The following LRRC7 variants were observed in gnomAD, a reference collection of about 807,000 sequenced individuals.
LRRC7 encodes leucine rich repeat containing 7.
LRRC7 carries 23 observed loss-of-function variants against 175.7 expected under a neutral mutation model. The ratio of observed to expected loss-of-function variants is 0.13; its 90% confidence interval spans 0.09 to 0.19. The LOEUF (loss-of-function observed/expected upper bound fraction) is 0.19, where lower values mean the gene tolerates loss of function less well. Among genes scored for constraint, LRRC7 ranks in the 10% least tolerant of loss-of-function variants. The pLI is 1.00. For missense variants in LRRC7, 1,354 were observed against 1,904.7 expected, an observed-to-expected ratio of 0.71 and a Z score of 5.38; for synonymous variants, 685 against 680.9, an observed-to-expected ratio of 1.01 and a Z score of -0.09.
chr1:69,819,536 G>C (rs548809890), intron 4 of LRRC7, among the ~76,000 whole-genome samples: 1 of 147,972 alleles, frequency 6.8e-6, no homozygotes, highest in Non-Finnish European at 1.5e-5. Flanking sequence ...TGTGTATTCT[G>C]CTGCTGTTGA....
intron 1 of LRRC7, among the ~76,000 whole-genome samples, chr1:69,627,160 T>C (rs1388191689): frequency 6.6e-6 from 1 of 152,152 alleles, no homozygotes; most frequent in African/African-American, 2.4e-5. Context: ...CTGACTTCCA[T>C]AATGGTTGAA....
At chr1:69,870,399 T>C (rs1011245653) in intron 7 of LRRC7, among the ~76,000 whole-genome samples, 11 of 151,990 alleles carry the variant, frequency 7.2e-5, no homozygotes, top group African/African-American at 2.2e-4. Context: ...TAGAAGAGGT[T>C]GATTGAGCCT....
chr1:69,637,097 T>TCTCTC (rs1653496690), intron 1 of LRRC7, among the ~76,000 whole-genome samples: 1 of 149,240 alleles, frequency 6.7e-6, no homozygotes, highest in Non-Finnish European at 1.5e-5. Context: ...TCTCTCTCTC[T>TCTCTC]TCCCCTCCCC....
At chr1:69,706,801 G>A (rs367835927) in intron 2 of LRRC7, among the ~76,000 whole-genome samples, 3 of 152,032 alleles carry the variant, frequency 2.0e-5, no homozygotes, top group African/African-American at 4.8e-5. Flanking sequence ...CACCAGTATG[G>A]CCACAGCTTC....
At chr1:69,698,954 G>A (rs560979569) in intron 2 of LRRC7, among the ~76,000 whole-genome samples, 1 of 152,198 alleles carries the variant, frequency 6.6e-6, no homozygotes, top group South Asian at 2.1e-4. Flanking sequence ...ATAAAGTATA[G>A]TCAAACTTAC....
chr1:69,669,142 T>C (rs1002135201), intron 1 of LRRC7, among the ~76,000 whole-genome samples: 8 of 152,240 alleles, frequency 5.3e-5, no homozygotes, highest in African/African-American at 1.9e-4. Context: ...ACTCTGTGTT[T>C]TTCTGTGTCC....
chr1:69,922,696 T>C (rs1353436419), intron 7 of LRRC7, among the ~76,000 whole-genome samples: 1 of 152,138 alleles, frequency 6.6e-6, no homozygotes, highest in East Asian at 1.9e-4. Context: ...TTACCACTAA[T>C]CTCCATGTTG....
chr1:70,123,085 T>C lies in LRRC7; in HGVS notation c.*1198T>C, dbSNP rs1423458570. The C allele has an allele frequency of 6.6e-6, 1 of 152,556 alleles. No homozygotes were observed. Among genetic ancestry groups the C allele is most frequent in the Non-Finnish European group, 1.5e-5 (1 of 67,958 alleles). 9.5% of individuals were successfully genotyped at this position (152,556 alleles called of 1,614,324 possible). A position where few individuals can be genotyped will look rare whatever the true frequency, so the allele number is the denominator to read the frequency against. On this transcript the variant is annotated 3_prime_UTR_variant, in exon 27 of 27. Transcript: ENST00000651989. ...AGGTATGTAAAATCCTGAATGCTTT[T>C]TCACTGAAGAGAAAGACAAGCATGG...
intron 1 of LRRC7, among the ~76,000 whole-genome samples, chr1:69,643,316 T>A (rs1235229235): frequency 1.3e-5 from 2 of 152,112 alleles, no homozygotes; most frequent in Non-Finnish European, 2.9e-5. Context: ...TTACCAGCTA[T>A]CTGGGCATCC....
rs186813897 is a variant in LRRC7, at chr1:69,829,461, C to T, written c.500+3635C>T. On this transcript the variant is annotated intron_variant, in intron 5 of 26. Coordinates refer to ENST00000651989, the MANE Select transcript of LRRC7 (RefSeq NM_001370785.2). Reference sequence around the variant, plus strand: ...ACTTTAAATATTTATCTTTTCTTTACACTAGGGACATTCTAATTCTCTTCT... The same window carrying T: ...ACTTTAAATATTTATCTTTTCTTTATACTAGGGACATTCTAATTCTCTTCT... Among the ~76,000 whole-genome samples, 267 of 151,886 alleles carry T rather than the reference C, an allele frequency of 1.8e-3. 1 individual carries two copies. The highest frequency in any genetic ancestry group is 6.5e-3 in the Admixed American group (99 of 15,242).
At chr1:69,641,258 T>C (rs1017349059) in intron 1 of LRRC7, among the ~76,000 whole-genome samples, 1 of 151,670 alleles carries the variant, frequency 6.6e-6, no homozygotes, top group African/African-American at 2.4e-5. Context: ...TATTTATTCA[T>C]TCTCCATCAG....
chr1:69,635,676 T>C (rs2100401796), intron 1 of LRRC7, among the ~76,000 whole-genome samples: 1 of 152,170 alleles, frequency 6.6e-6, no homozygotes, highest in Non-Finnish European at 1.5e-5. Context: ...ATTTTAAAAA[T>C]AATAACAATT....
chr1:69,665,384 T>C (rs1230447788), intron 1 of LRRC7, among the ~76,000 whole-genome samples: 1 of 152,146 alleles, frequency 6.6e-6, no homozygotes, highest in Non-Finnish European at 1.5e-5. Flanking sequence ...AATTTGTAGA[T>C]TGCTTTGAGT....
chr1:69,927,770 G>A (rs575544031), intron 7 of LRRC7, among the ~76,000 whole-genome samples: 10 of 152,108 alleles, frequency 6.6e-5, no homozygotes, highest in South Asian at 4.2e-4. Flanking sequence ...CCTGTCGTTC[G>A]GAGTAGTTTG....
At chr1:69,656,914 T>C (rs1035164171) in intron 1 of LRRC7, among the ~76,000 whole-genome samples, 4 of 151,106 alleles carry the variant, frequency 2.6e-5, no homozygotes, top group African/African-American at 9.7e-5. Flanking sequence ...AAGAAATAAC[T>C]ACCATAATCC....
intron 7 of LRRC7, among the ~76,000 whole-genome samples, chr1:69,878,453 A>G (rs1453632840): frequency 1.3e-5 from 2 of 152,192 alleles, no homozygotes; most frequent in African/African-American, 2.4e-5. Context: ...TTTTTAGAGA[A>G]TGCACGACTG....
At chr1:69,890,720 C>A (rs532722118) in intron 7 of LRRC7, among the ~76,000 whole-genome samples, 57 of 152,318 alleles carry the variant, frequency 3.7e-4, no homozygotes, top group African/African-American at 1.4e-3. Flanking sequence ...TTTATTGTAG[C>A]CACCTTCATT....
rs527399162 is a variant in LRRC7 at position 70,056,881 on chromosome 1, C to T, written c.4230+3736C>T. 5.9e-5 allele frequency among the ~76,000 whole-genome samples: 9 copies of T among 152,116 alleles called. No individual in the cohort carries two copies. The South Asian group carries it at 1.5e-3, about 25-fold the overall frequency. On this transcript the variant is annotated intron_variant, in intron 23 of 26. Transcript: ENST00000651989. ...AGGGAAAAATGTTTTAAGGAGGGAA[C>T]GGTCAACTGTCAAATGATGCACAGA...
intron 1 of LRRC7, among the ~76,000 whole-genome samples, chr1:69,637,060 T>G (rs1653475792): frequency 7.3e-6 from 1 of 136,714 alleles, no homozygotes; most frequent in Non-Finnish European, 1.7e-5. Context: ...TTCACTTCCT[T>G]CGCCTTCACC....
Sources: gnomAD v4.1 joint callset for allele counts (sites outside exome capture counted in the v4.1 genomes callset) on GRCh38, gnomAD v4.1.1 for gene constraint, MANE v1.5 for transcripts, NCBI Gene and HGNC (gene_info 2026-07-23, HGNC 2026-07-21) for gene names.